Variants in CHD9 observed in about 807,000 individuals in gnomAD.
CHD9 encodes chromodomain helicase DNA binding protein 9, also known as ATP-dependent chromatin remodeler CHD9.
A neutral mutation model predicts 316.1 loss-of-function variants in CHD9; 77 were observed. The observed-to-expected ratio is 0.24, with a 90% confidence interval of 0.20 to 0.29. The LOEUF (loss-of-function observed/expected upper bound fraction) is 0.29, where lower values mean the gene tolerates loss of function less well. Among genes scored for constraint, CHD9 ranks in the 10% least tolerant of loss-of-function variants. The pLI is 1.00. For missense variants in CHD9, 2,763 were observed against 3,438.1 expected (o/e 0.80, Z 4.91); for synonymous variants, 1,129 against 1,158.3 (o/e 0.97, Z 0.51).
rs201813888 is a variant in CHD9, at chr16:53,307,802, T to C, written c.6902T>C (p.Leu2301Pro). Residue 2301 changes from leucine to proline, a missense_variant, in exon 33 of 39, where the codon CTG becomes CCG. Coordinates refer to ENST00000447540, the MANE Select transcript of CHD9 (RefSeq NM_001308319.2). Reference protein sequence around the residue: ...TVASFYTTKLLDSPGAATEYS... With the variant: ...TVASFYTTKLPDSPGAATEYS... ...GCTTCTTTCTATACCACAAAACTGCTGGACAGCCCTGGAGCAGCTACAGAA... is the reference window on the plus strand; with the variant it reads ...GCTTCTTTCTATACCACAAAACTGCCGGACAGCCCTGGAGCAGCTACAGAA... 1.2e-6 allele frequency: 2 copies of C among 1,613,574 alleles called. No homozygotes were observed. Among genetic ancestry groups the C allele is most frequent in the African/African-American group, 1.3e-5 (1 of 75,054 alleles).
At chr16:53,234,882 AAAATTGCAT>A (rs2048491846) in intron 10 of CHD9, among the ~76,000 whole-genome samples, 1 of 150,778 alleles carries the variant, frequency 6.6e-6, no homozygotes, top group Non-Finnish European at 1.5e-5. Context: ...TCCATTTGGT[AAAATTGCAT>A]TATGAATATT....
chr16:53,320,949 A>T (rs2057234693), intron 37 of CHD9, among the ~76,000 whole-genome samples: 1 of 152,182 alleles, frequency 6.6e-6, no homozygotes, highest in South Asian at 2.1e-4. Flanking sequence ...TCTGAGGCTC[A>T]GTTTCTTCGT....
chr16:53,155,842 G>T, intron 1 of CHD9, 84 bp from the exon 2 acceptor site: 1 of 442,924 alleles, frequency 2.3e-6, no homozygotes, highest in Non-Finnish European at 4.0e-6. Flanking sequence ...CTTTCACTTA[G>T]CATAATGTTT....
chr16:53,146,747 C>T (rs1437905748), intron 1 of CHD9, among the ~76,000 whole-genome samples: 4 of 149,796 alleles, frequency 2.7e-5, no homozygotes, highest in South Asian at 2.1e-4. Context: ...TACAGTGAAC[C>T]GAGATCGTAC....
At chr16:53,198,166 T>C (rs1041490840) in intron 2 of CHD9, among the ~76,000 whole-genome samples, 31 of 152,080 alleles carry the variant, frequency 2.0e-4, no homozygotes, top group Non-Finnish European at 3.8e-4. Context: ...GGAGGGAACA[T>C]GCTGATGAAG....
At chr16:53,208,919 C>G (rs1389547132) in intron 2 of CHD9, among the ~76,000 whole-genome samples, 5 of 152,128 alleles carry the variant, frequency 3.3e-5, no homozygotes, top group Non-Finnish European at 7.4e-5. Context: ...TCACATTTAA[C>G]TCTTTCATGG....
At chr16:53,143,702 A>G (rs545984141) in intron 1 of CHD9, among the ~76,000 whole-genome samples, 6 of 152,258 alleles carry the variant, frequency 3.9e-5, no homozygotes, top group African/African-American at 1.4e-4. Flanking sequence ...ATGATTTTAT[A>G]TATTTTACGT....
At chr16:53,193,493 G>A (rs758956306) in intron 2 of CHD9, among the ~76,000 whole-genome samples, 1 of 152,042 alleles carries the variant, frequency 6.6e-6, no homozygotes, top group Non-Finnish European at 1.5e-5. Context: ...AATAGATGTA[G>A]ATTGATATCT....
intron 2 of CHD9, among the ~76,000 whole-genome samples, chr16:53,178,929 T>C (rs945214834): frequency 3.5e-4 from 54 of 152,290 alleles, no homozygotes; most frequent in African/African-American, 1.3e-3. Context: ...CAGAGGATTG[T>C]TGAGGCTAGG....
At chr16:53,291,849 T>A in intron 28 of CHD9, 82 bp downstream of exon 28, 1 of 824,436 alleles carries the variant, frequency 1.2e-6, no homozygotes, top group East Asian at 2.9e-5. Context: ...ACTATTACAC[T>A]TTTATAATGT....
intron 1 of CHD9, among the ~76,000 whole-genome samples, chr16:53,112,526 C>T (rs2152620943): frequency 6.6e-6 from 1 of 152,306 alleles, no homozygotes; most frequent in Non-Finnish European, 1.5e-5. Flanking sequence ...AAGCATGTGT[C>T]ACAAAGTAAG....
chr16:53,116,879 A>G (rs189883643), intron 1 of CHD9, among the ~76,000 whole-genome samples: 149 of 152,348 alleles, frequency 9.8e-4, no homozygotes, highest in African/African-American at 3.5e-3. Context: ...TAAACCATGG[A>G]ATGCTATGCA....
In CHD9 at chr16:53,268,143, A is replaced by G. The variant is rs375287440; in HGVS notation, c.4717+17A>G. On this transcript the variant is annotated intron_variant, in intron 22 of 38. Coordinates refer to ENST00000447540, the MANE Select transcript of CHD9 (RefSeq NM_001308319.2). ...ATCATCTAGGTAAGAACATTGTTTC[A>G]TTTGCTTTTAAAATTTATTTTTAGT... is the stretch of plus-strand genomic sequence containing the variant. The G allele has an allele frequency of 3.2e-5, 50 of 1,538,634 alleles. 1 individual carries two copies. In the African/African-American group the frequency reaches 3.4e-4, roughly 11 times the overall value.
At chr16:53,187,061 A>G (rs1003553331) in intron 2 of CHD9, among the ~76,000 whole-genome samples, 2 of 152,232 alleles carry the variant, frequency 1.3e-5, no homozygotes, top group Non-Finnish European at 2.9e-5. Context: ...TTTGAAATGG[A>G]ACAAAACAGA....
At chr16:53,203,691 A>C (rs1393878280) in intron 2 of CHD9, among the ~76,000 whole-genome samples, 2 of 152,090 alleles carry the variant, frequency 1.3e-5, no homozygotes, top group Non-Finnish European at 2.9e-5. Context: ...TTACTAAGGA[A>C]TTATATCTGG....
At chr16:53,229,342 A>G (rs1489970718) in intron 8 of CHD9, among the ~76,000 whole-genome samples, 3 of 152,224 alleles carry the variant, frequency 2.0e-5, no homozygotes, top group African/African-American at 7.2e-5. Context: ...ATATTTCAAC[A>G]TTTAGAGTTG....
intron 1 of CHD9, among the ~76,000 whole-genome samples, chr16:53,098,943 G>A (rs2036606547): frequency 6.6e-6 from 1 of 152,212 alleles, no homozygotes; most frequent in South Asian, 2.1e-4. Flanking sequence ...TTCCTCTATA[G>A]TGTACGGGGC....
At chr16:53,127,180 T>G (rs532533724) in intron 1 of CHD9, among the ~76,000 whole-genome samples, 2 of 152,088 alleles carry the variant, frequency 1.3e-5, no homozygotes, top group Non-Finnish European at 2.9e-5. Context: ...CAGGCTGGTC[T>G]CAAGCTCCTG....
chr16:53,107,845 C>T lies in CHD9; in HGVS notation c.-164-48081C>T, dbSNP rs141785308. 4.2e-4 allele frequency among the ~76,000 whole-genome samples: 64 copies of T among 152,036 alleles called. 1 individual carries two copies. Among genetic ancestry groups the T allele is most frequent in the South Asian group, 4.1e-4 (2 of 4,824 alleles). On this transcript the variant is annotated intron_variant, in intron 1 of 38. Coordinates refer to ENST00000447540, the MANE Select transcript of CHD9 (RefSeq NM_001308319.2). ...AATGAACAAACAGAAATTCTTATCC[C>T]CTGAAGCTTATTTTCTAATGGAGAG...
Sources: allele counts gnomAD v4.1 joint callset (sites outside exome capture counted in the v4.1 genomes callset), GRCh38; gene constraint gnomAD v4.1.1; transcripts MANE v1.5; gene names NCBI Gene and HGNC (gene_info 2026-07-23, HGNC 2026-07-21).